The following CNTN4 variants were observed in gnomAD, a reference collection of about 807,000 sequenced individuals.
CNTN4 encodes the protein contactin-4.
In CNTN4, 77 loss-of-function variants were observed where a neutral mutation model predicts 122.5. The observed-to-expected ratio is 0.63, with a 90% CI of 0.52 to 0.76. The LOEUF (loss-of-function observed/expected upper bound fraction) is 0.76, where lower values mean the gene tolerates loss of function less well. Ranked by LOEUF, CNTN4 falls within the 30% of genes least tolerant of loss-of-function variation. The pLI is 0.00. For synonymous variants in CNTN4, 512 were observed against 447.0 expected (o/e 1.15, Z -1.83); for missense variants, 1,256 against 1,259.1 (o/e 1.00, Z 0.04).
chr3:2,708,049 T>C (rs1418649200), intron 4 of CNTN4, among the ~76,000 whole-genome samples: 1 of 152,202 alleles, frequency 6.6e-6, no homozygotes, highest in African/African-American at 2.4e-5. Context: ...TATTATTGGT[T>C]CTTTTGGATG....
intron 3 of CNTN4, among the ~76,000 whole-genome samples, chr3:2,559,169 T>A (rs752508069): frequency 1.1e-4 from 17 of 152,326 alleles, no homozygotes; most frequent in East Asian, 1.9e-4. Context: ...GCTGTTCATA[T>A]AAGAGGGAAA....
At chr3:2,130,889 A>G (rs1373391648) in intron 2 of CNTN4, among the ~76,000 whole-genome samples, 1 of 152,222 alleles carries the variant, frequency 6.6e-6, no homozygotes, top group Non-Finnish European at 1.5e-5. Context: ...GGCAATGGCC[A>G]AGCATGTTGA....
Position 3,056,251 on chromosome 3 carries a change from A to G in CNTN4, c.*31A>G. ...GTTATCTGAAGGACTTGCTGTTTAT[A>G]ATATAAGCAACATTTAGCTAGTTGT... On this transcript the variant is annotated 3_prime_UTR_variant, in exon 25 of 25. Coordinates refer to ENST00000418658, the MANE Select transcript of CNTN4 (RefSeq NM_175607.3). 2 of 1,504,954 alleles carry G rather than the reference A, an allele frequency of 1.3e-6. No homozygotes were observed. Among genetic ancestry groups the G allele is most frequent in the Non-Finnish European group, 1.9e-6 (2 of 1,080,530 alleles). The allele number at this position is 1,504,954 out of a possible 1,614,324, so 93.2% of individuals were successfully genotyped here.
intron 13 of CNTN4, among the ~76,000 whole-genome samples, chr3:2,932,582 G>C (rs1458511065): frequency 6.6e-6 from 1 of 152,032 alleles, no homozygotes; most frequent in Non-Finnish European, 1.5e-5. Flanking sequence ...TCCATCTTCA[G>C]AGCTTAATGA....
At chr3:2,608,915 C>T (rs530366937) in intron 4 of CNTN4, among the ~76,000 whole-genome samples, 23 of 152,320 alleles carry the variant, frequency 1.5e-4, no homozygotes, top group Non-Finnish European at 2.9e-4. Context: ...TCTCTCTAGT[C>T]AGGGGCATGC....
intron 6 of CNTN4, among the ~76,000 whole-genome samples, chr3:2,760,083 C>G (rs2149682861): frequency 6.6e-6 from 1 of 152,294 alleles, no homozygotes; most frequent in African/African-American, 2.4e-5. Flanking sequence ...ATACAAGCGC[C>G]TTGTCAAATA....
chr3:2,280,727 G>A (rs1575252231), intron 2 of CNTN4, among the ~76,000 whole-genome samples: 1 of 152,178 alleles, frequency 6.6e-6, no homozygotes, highest in East Asian at 1.9e-4. Context: ...TCCTTTGTCA[G>A]CTTTGAGAAC....
intron 3 of CNTN4, among the ~76,000 whole-genome samples, chr3:2,375,928 A>C (rs569937950): frequency 1.0e-3 from 158 of 152,264 alleles, no homozygotes; most frequent in African/African-American, 3.6e-3. Context: ...AGAAGAAAAA[A>C]AAAAAGAGAA....
At chr3:2,813,326 G>A (rs1170654116) in intron 6 of CNTN4, among the ~76,000 whole-genome samples, 1 of 152,118 alleles carries the variant, frequency 6.6e-6, no homozygotes, top group East Asian at 1.9e-4. Context: ...ATAACAAAGG[G>A]AACTGGTGCT....
intron 2 of CNTN4, among the ~76,000 whole-genome samples, chr3:2,300,368 G>A (rs2042459957): frequency 6.6e-6 from 1 of 151,986 alleles, no homozygotes; most frequent in African/African-American, 2.4e-5. Context: ...AAAATAGAGG[G>A]GAGAATTGTT....
chr3:2,155,402 A>G (rs763020913), intron 2 of CNTN4, among the ~76,000 whole-genome samples: 8 of 152,188 alleles, frequency 5.3e-5, no homozygotes, highest in Non-Finnish European at 2.9e-5. Context: ...GATCGGAGAC[A>G]TTGGAGTCCC....
chr3:2,551,649 T>G (rs1349105839), intron 3 of CNTN4, among the ~76,000 whole-genome samples: 1 of 152,186 alleles, frequency 6.6e-6, no homozygotes, highest in Non-Finnish European at 1.5e-5. Flanking sequence ...AAAATCAGTT[T>G]GTTAGGCATG....
At chr3:2,773,703 AG>A (rs2091198200) in intron 6 of CNTN4, among the ~76,000 whole-genome samples, 1 of 149,518 alleles carries the variant, frequency 6.7e-6, no homozygotes, top group South Asian at 2.1e-4. Context: ...TTACAGGCTT[AG>A]GGGGTTACCA....
rs569029171 is a variant in CNTN4, at chr3:2,634,548, G to C, written c.55+62990G>C. On this transcript the variant is annotated intron_variant, in intron 4 of 24. Coordinates refer to ENST00000418658, the MANE Select transcript of CNTN4 (RefSeq NM_175607.3). The stretch of plus-strand genomic sequence containing the variant: ...GGATATTAGTTTTTGAAAAATTCTA[G>C]GGCCGGGCACAGTGGCTCAGGCCTG... Among the ~76,000 whole-genome samples the C allele has an allele frequency of 2.3e-3, 348 of 151,972 alleles. 1 individual carries two copies. Among genetic ancestry groups the C allele is most frequent in the Non-Finnish European group, 4.1e-3 (281 of 67,934 alleles).
intron 3 of CNTN4, among the ~76,000 whole-genome samples, chr3:2,504,358 T>C (rs1037829233): frequency 1.3e-5 from 2 of 152,186 alleles, no homozygotes; most frequent in African/African-American, 4.8e-5. Flanking sequence ...GTGAATAGGT[T>C]GATTAGTTGA....
At chr3:2,414,642 T>C (rs949045335) in intron 3 of CNTN4, among the ~76,000 whole-genome samples, 7 of 152,164 alleles carry the variant, frequency 4.6e-5, no homozygotes, top group African/African-American at 1.4e-4. Flanking sequence ...AAACAAACCA[T>C]TAACTGTAGA....
In CNTN4 at chr3:3,040,045, T is replaced by G. The variant is rs376966123; in HGVS notation, c.2172T>G (p.Pro724=). 1.2e-6 allele frequency: 2 copies of G among 1,609,916 alleles called. No individual in the cohort carries two copies. The highest frequency in any genetic ancestry group is 1.6e-4 in the Middle Eastern group (1 of 6,082). ...SELVITWETV[P]EELQNGRGFG... is the part of the protein sequence containing the mutation. Reference sequence around the variant, plus strand: ...CCTTCCTTCTTTCCCAGACGGTCCCTGAGGAATTACAGAATGGTCGAGGCT... The same window carrying G: ...CCTTCCTTCTTTCCCAGACGGTCCCGGAGGAATTACAGAATGGTCGAGGCT... The change falls in exon 20 of 25, where the codon CCT becomes CCG. Residue 724 remains proline, a synonymous_variant. Transcript: ENST00000418658.
At chr3:2,798,038 T>A (rs73109109) in intron 6 of CNTN4, among the ~76,000 whole-genome samples, 2,426 of 145,594 alleles carry the variant, frequency 0.017, 75 homozygotes, top group African/African-American at 0.055. Context: ...ATAATGTGCA[T>A]TGTACCCATT....
chr3:2,819,363 C>A, intron 6 of CNTN4, 123 bp from the exon 7 acceptor site: 1 of 743,858 alleles, frequency 1.3e-6, no homozygotes, highest in Non-Finnish European at 2.4e-6. Context: ...CCTGAATTCC[C>A]CCGGTATGGG....
Sources: gnomAD v4.1 joint callset for allele counts (sites outside exome capture counted in the v4.1 genomes callset) on GRCh38, gnomAD v4.1.1 for gene constraint, MANE v1.5 for transcripts, NCBI Gene and HGNC (gene_info 2026-07-23, HGNC 2026-07-21) for gene names.